TBX1: variants seen among roughly 807,000 people sequenced by gnomAD.
TBX1 encodes the protein T-box transcription factor 1, also known as T-box transcription factor TBX1.
Under a neutral mutation model 40.8 loss-of-function variants are expected in TBX1, and 16 were observed. The observed-to-expected ratio is 0.39, with a 90% CI of 0.27 to 0.60. TBX1 has a LOEUF of 0.60. Ranked by LOEUF, TBX1 falls within the 20% of genes least tolerant of loss-of-function variation. The pLI is 0.51. For synonymous variants in TBX1, 403 were observed against 336.8 expected (o/e 1.20, Z -2.15); for missense variants, 755 against 728.5 (o/e 1.04, Z -0.42).
chr22:19,778,664 G>T (rs1937103207), intron 8 of TBX1, among the ~76,000 whole-genome samples: 1 of 152,042 alleles, frequency 6.6e-6, no homozygotes. Flanking sequence ...CAAACTCCTG[G>T]GCTCAAATGA....
upstream of TBX1, chr22:19,759,650 T>G: frequency 6.2e-7 from 1 of 1,612,468 alleles, no homozygotes; most frequent in East Asian, 2.2e-5. Context: ...AGGGATGCAC[T>G]TCAGCACCGT....
intron 2 of TBX1, chr22:19,763,826 G>A (rs1342841941): frequency 1.8e-5 from 9 of 495,766 alleles, no homozygotes; most frequent in South Asian, 2.5e-5. Flanking sequence ...CCTGAGGCCC[G>A]GCAAGGCCAA....
chr22:19,760,687 GCC>G (rs2145826832), upstream of TBX1, among the ~76,000 whole-genome samples: 1 of 20,512 alleles, frequency 4.9e-5, no homozygotes, highest in South Asian at 2.4e-3. Flanking sequence ...GGGTGGGGGG[GCC>G]CCGGGCGGGG....
chr22:19,765,468 G>C (rs1378515044), intron 4 of TBX1, among the ~76,000 whole-genome samples: 1 of 152,126 alleles, frequency 6.6e-6, no homozygotes, highest in Non-Finnish European at 1.5e-5. Context: ...TGCACGTGGG[G>C]GGTGGTGACC....
chr22:19,764,358 C>T, intron 3 of TBX1, 32 bp downstream of exon 3: 1 of 1,604,396 alleles, frequency 6.2e-7, no homozygotes, highest in Non-Finnish European at 8.5e-7. Context: ...CTCCGGTGTC[C>T]CCCAAGGCCT....
At chr22:19,769,341 G>A (rs1040185267), downstream of TBX1, among the ~76,000 whole-genome samples, 10 of 152,186 alleles carry the variant, frequency 6.6e-5, 1 homozygote, top group African/African-American at 2.4e-4. Context: ...CTCACAGGCC[G>A]CGGGTCACCA....
At position 19,765,833 on chromosome 22, in the gene TBX1, T is replaced by A. The variant is rs1162041224; in HGVS notation, c.935+8T>A. 5.0e-6 allele frequency: 8 copies of A among 1,599,236 alleles called. No homozygotes were observed. Among genetic ancestry groups the A allele is most frequent in the Non-Finnish European group, 6.8e-6 (8 of 1,173,708 alleles). On this transcript the variant is annotated splice_region_variant and intron_variant, in intron 5 of 6. Transcript: ENST00000649276. ...CTGTGACCCTGAGGACTGGTGAGTG[T>A]CCTCCCCCGAGAGAGTGAGCGCCGG...
intron 8 of TBX1, among the ~76,000 whole-genome samples, chr22:19,772,459 C>T (rs1429431482): frequency 6.6e-6 from 1 of 152,158 alleles, no homozygotes; most frequent in Admixed American, 6.6e-5. Flanking sequence ...GCGTGTGCCA[C>T]CACACCCTGC....
upstream of TBX1, chr22:19,759,574 C>G: frequency 6.3e-7 from 1 of 1,594,770 alleles, no homozygotes; most frequent in Admixed American, 1.7e-5. Flanking sequence ...CGGCGGAGCG[C>G]ACCGCCCACC....
At chr22:19,764,003 C>G in intron 2 of TBX1, 152 bp from the exon 3 acceptor site, 1 of 810,212 alleles carries the variant, frequency 1.2e-6, no homozygotes, top group South Asian at 1.7e-5. Flanking sequence ...CATAGTCCCC[C>G]TTGGAAAAGC....
chr22:19,759,291 G>A (rs576948716), upstream of TBX1, among the ~76,000 whole-genome samples: 170 of 152,336 alleles, frequency 1.1e-3, 2 homozygotes, highest in African/African-American at 3.9e-3. Flanking sequence ...CACTTCCAGG[G>A]TGCTCCACCC....
downstream of TBX1, chr22:19,782,963 T>C: frequency 6.6e-7 from 1 of 1,505,696 alleles, no homozygotes; most frequent in Non-Finnish European, 9.2e-7. Flanking sequence ...GGACGTGCTC[T>C]TGAAGCCCCC....
downstream of TBX1, chr22:19,767,431 C>T: frequency 1.0e-6 from 1 of 974,632 alleles, no homozygotes; most frequent in Non-Finnish European, 1.2e-6. Context: ...AGGGCCTCCC[C>T]AGCCCCAATC....
chr22:19,769,185 T>C (rs907435715), downstream of TBX1, among the ~76,000 whole-genome samples: 5 of 152,146 alleles, frequency 3.3e-5, no homozygotes, highest in Non-Finnish European at 7.3e-5. Context: ...GGTCTCGAAC[T>C]CCTGACCTCA....
At chr22:19,767,894 T>C (rs78501728), downstream of TBX1, among the ~76,000 whole-genome samples, 179 of 152,330 alleles carry the variant, frequency 1.2e-3, 4 homozygotes, top group South Asian at 0.023. Flanking sequence ...GCCCGCATGT[T>C]CCCTCCTTAG....
chr22:19,764,873 C>T (rs1271658205), intron 3 of TBX1, 85 bp from the exon 4 acceptor site: 1 of 1,541,904 alleles, frequency 6.5e-7, no homozygotes, highest in African/African-American at 1.4e-5. Context: ...ATTGCCAACT[C>T]AGACCTCAGC....
Position 19,765,450 on chromosome 22 carries a change from C to T in TBX1, c.868-308C>T, listed in dbSNP as rs2238773. Among the ~76,000 whole-genome samples, 26,425 of 152,208 alleles carry T rather than the reference C, an allele frequency of 0.17. 3,124 individuals carry two copies. Among genetic ancestry groups the T allele is most frequent in the East Asian group, 0.46 (2,368 of 5,138 alleles). Reference sequence around the variant, plus strand: ...GGAACCCGCTCTGTTCCCCACCCCCCACCCCACTGCACGTGGGGGGTGGTG... The same window carrying T: ...GGAACCCGCTCTGTTCCCCACCCCCTACCCCACTGCACGTGGGGGGTGGTG... On this transcript the variant is annotated intron_variant, in intron 4 of 6. Transcript: ENST00000649276.
chr22:19,762,967 G>T (rs1936715605), intron 1 of TBX1, among the ~76,000 whole-genome samples: 1 of 152,228 alleles, frequency 6.6e-6, no homozygotes, highest in Non-Finnish European at 1.5e-5. Context: ...GTAGGCCAAG[G>T]TTGCCGAAGG....
chr22:19,783,244 A>G (rs1268672134), downstream of TBX1: 2 of 558,576 alleles, frequency 3.6e-6, no homozygotes, highest in African/African-American at 3.8e-5. Flanking sequence ...TGGTTTATTA[A>G]TGTAGCAAGA....
Sources: allele counts gnomAD v4.1 joint callset (sites outside exome capture counted in the v4.1 genomes callset), GRCh38; gene constraint gnomAD v4.1.1; transcripts MANE v1.5; gene names NCBI Gene and HGNC (gene_info 2026-07-23, HGNC 2026-07-21).